SCUBE2: variants seen among roughly 807,000 people sequenced by gnomAD.
SCUBE2 encodes the protein signal peptide, CUB and EGF-like domain-containing protein 2.
Under a neutral mutation model 125.9 loss-of-function variants are expected in SCUBE2, and 114 were observed. The observed-to-expected ratio is 0.91, with a 90% CI of 0.78 to 1.06. The LOEUF (loss-of-function observed/expected upper bound fraction) is 1.06. SCUBE2 is among the 50% of genes least tolerant of loss of function. The pLI is 0.00. For synonymous variants in SCUBE2, 459 were observed against 492.9 expected, an observed-to-expected ratio of 0.93 and a Z score of 0.91; for missense variants, 1,255 against 1,301.8, an observed-to-expected ratio of 0.96 and a Z score of 0.55.
At chr11:9,079,039 T>C (rs927759966) in intron 3 of SCUBE2, among the ~76,000 whole-genome samples, 14 of 146,930 alleles carry the variant, frequency 9.5e-5, no homozygotes, top group African/African-American at 3.0e-4. Context: ...TTTTTCCAAA[T>C]TCTAAAACAG....
At chr11:9,080,460 G>A (rs1233296707) in intron 2 of SCUBE2, among the ~76,000 whole-genome samples, 1 of 152,042 alleles carries the variant, frequency 6.6e-6, no homozygotes, top group East Asian at 1.9e-4. Flanking sequence ...GCTGACCTGG[G>A]CAACATAGTG....
rs769329603 is a variant in SCUBE2 at position 9,054,082 on chromosome 11, C to T, written c.1208-323G>A. ...CACCATCTCAGCTCACTGCAACCTC[C>T]GTCTCCCAGCTTCAAGCAATTCTCC... On this transcript the variant is annotated intron_variant, in intron 10 of 22. Transcript: ENST00000649792. Among the ~76,000 whole-genome samples, 126 of 150,634 alleles carry T rather than the reference C, an allele frequency of 8.4e-4. 1 individual carries two copies. Among genetic ancestry groups the T allele is most frequent in the Non-Finnish European group, 2.5e-4 (17 of 67,778 alleles).
At chr11:9,021,779 G>C in intron 22 of SCUBE2, 97 bp downstream of exon 22, 3 of 897,998 alleles carry the variant, frequency 3.3e-6, no homozygotes, top group East Asian at 2.4e-5. Context: ...CTCCGTGTCT[G>C]AAAGGTGGCA....
chr11:9,051,182 TTATCTATCTATCTATCTATC>T (rs60575374), intron 13 of SCUBE2, among the ~76,000 whole-genome samples: 5 of 142,604 alleles, frequency 3.5e-5, no homozygotes, highest in East Asian at 2.0e-4. Flanking sequence ...AAACAAAAAA[TTATCTATCTATCTATCTATC>T]TATCTATCTA....
At chr11:9,032,703 A>C (rs1394599711) in intron 17 of SCUBE2, among the ~76,000 whole-genome samples, 1 of 152,186 alleles carries the variant, frequency 6.6e-6, no homozygotes, top group Non-Finnish European at 1.5e-5. Context: ...ACAGCACTCC[A>C]GCCTTGGTGA....
chr11:9,035,941 T>C (rs1387631494), intron 16 of SCUBE2, among the ~76,000 whole-genome samples: 1 of 152,196 alleles, frequency 6.6e-6, no homozygotes, highest in African/African-American at 2.4e-5. Flanking sequence ...CAAGCTGGAG[T>C]GCAATGGCGC....
At chr11:9,044,693 T>C (rs994260489) in intron 16 of SCUBE2, among the ~76,000 whole-genome samples, 1 of 152,208 alleles carries the variant, frequency 6.6e-6, no homozygotes, top group Non-Finnish European at 1.5e-5. Context: ...CTCCCTGGTT[T>C]CGAGTTCCCT....
At chr11:9,068,624 T>C (rs1246749185) in intron 5 of SCUBE2, among the ~76,000 whole-genome samples, 1 of 152,126 alleles carries the variant, frequency 6.6e-6, no homozygotes, top group African/African-American at 2.4e-5. Context: ...TAGCAGAGGA[T>C]GGTAGCATGG....
At chr11:9,077,970 A>C (rs1036632830) in intron 3 of SCUBE2, among the ~76,000 whole-genome samples, 2 of 151,188 alleles carry the variant, frequency 1.3e-5, no homozygotes, top group Non-Finnish European at 2.9e-5. Context: ...ACCTTATACT[A>C]CCCCCCGCCA....
At chr11:9,057,321 C>T (rs1347978445) in intron 9 of SCUBE2, 1 of 152,074 alleles carries the variant, frequency 6.6e-6, no homozygotes, top group Non-Finnish European at 1.5e-5. Context: ...CTGAAGAAAA[C>T]CACACAATAA....
intron 20 of SCUBE2, chr11:9,026,074 C>T: frequency 2.0e-6 from 1 of 493,506 alleles, no homozygotes; most frequent in South Asian, 2.7e-5. Context: ...AGACCTGGGG[C>T]TTGGCAAGCA....
intron 16 of SCUBE2, among the ~76,000 whole-genome samples, chr11:9,034,478 G>T (rs1434337294): frequency 6.6e-6 from 1 of 152,222 alleles, no homozygotes; most frequent in East Asian, 1.9e-4. Flanking sequence ...AGCTACTGGG[G>T]AGGCTAAGAT....
At chr11:9,027,244 C>T in intron 20 of SCUBE2, 120 bp downstream of exon 20, 1 of 899,382 alleles carries the variant, frequency 1.1e-6, no homozygotes, top group Non-Finnish European at 1.7e-6. Context: ...AACTCATGTT[C>T]ACCTCTGCTC....
intron 2 of SCUBE2, among the ~76,000 whole-genome samples, chr11:9,081,908 ACT>A (rs1260722475): frequency 1.3e-5 from 2 of 152,146 alleles, no homozygotes; most frequent in Admixed American, 6.5e-5. Flanking sequence ...GAACTTCCAC[ACT>A]GTTTTCCATA....
chr11:9,044,627 C>G (rs527452916), intron 16 of SCUBE2, among the ~76,000 whole-genome samples: 1 of 152,292 alleles, frequency 6.6e-6, no homozygotes, highest in East Asian at 1.9e-4. Context: ...GTCAGTTACT[C>G]CTATGCTCAA....
chr11:9,052,932 AG>A, intron 12 of SCUBE2, 100 bp from the exon 13 acceptor site: 1 of 1,079,530 alleles, frequency 9.3e-7, no homozygotes, highest in South Asian at 1.5e-5. Flanking sequence ...ATGGGCCACT[AG>A]AAAAATGCCC....
At chr11:9,045,474 C>T (rs1186339068) in intron 16 of SCUBE2, among the ~76,000 whole-genome samples, 2 of 151,834 alleles carry the variant, frequency 1.3e-5, no homozygotes, top group African/African-American at 2.4e-5. Context: ...CTGCAAATAC[C>T]GAAAATCATT....
intron 15 of SCUBE2, among the ~76,000 whole-genome samples, 175 bp downstream of exon 15, chr11:9,047,768 A>G (rs959595749): frequency 1.3e-5 from 2 of 152,158 alleles, no homozygotes; most frequent in African/African-American, 4.8e-5. Context: ...GTTTTTATGA[A>G]GCAGAGAAAA....
intron 19 of SCUBE2, among the ~76,000 whole-genome samples, chr11:9,028,129 G>A (rs1855954698): frequency 6.6e-6 from 1 of 152,118 alleles, no homozygotes; most frequent in Admixed American, 6.5e-5. Flanking sequence ...ATGGCTCACT[G>A]CGCCCTTCAC....
Sources: gnomAD v4.1 joint callset for allele counts (sites outside exome capture counted in the v4.1 genomes callset) on GRCh38, gnomAD v4.1.1 for gene constraint, MANE v1.5 for transcripts, NCBI Gene and HGNC (gene_info 2026-07-23, HGNC 2026-07-21) for gene names.